SPRR2B: variants seen among roughly 807,000 people sequenced by gnomAD.
SPRR2B encodes small proline-rich protein 2B.
A neutral mutation model predicts 1.0 loss-of-function variants in SPRR2B; 1 was observed. The ratio of observed to expected loss-of-function variants is 1.01; its 90% CI spans 0.36 to 4.77. SPRR2B has a LOEUF of 4.77. Among genes scored for constraint, SPRR2B ranks in the 30% most tolerant of loss-of-function variants. SPRR2B has a pLI of 0.16. For synonymous variants in SPRR2B, 27 were observed against 33.4 expected, an observed-to-expected ratio of 0.81 and a Z score of 0.66; for missense variants, 53 against 88.7, an observed-to-expected ratio of 0.60 and a Z score of 1.62.
At chr1:153,072,794 C>T (rs1387984823), upstream of SPRR2B, among the ~76,000 whole-genome samples, 1 of 152,178 alleles carries the variant, frequency 6.6e-6, no homozygotes, top group African/African-American at 2.4e-5. Context: ...ACACATTGTT[C>T]ACTCGATACG....
At chr1:153,076,245 C>T (rs563309562), upstream of SPRR2B, among the ~76,000 whole-genome samples, 8 of 152,290 alleles carry the variant, frequency 5.3e-5, no homozygotes, top group South Asian at 1.7e-3. Flanking sequence ...TAGCACTAAT[C>T]TTTCCAAAGT....
the SPRR2B span, among the ~76,000 whole-genome samples, chr1:153,080,765 G>T: frequency 6.6e-6 from 1 of 152,098 alleles, no homozygotes; most frequent in East Asian, 1.9e-4. Flanking sequence ...TTTATGATAC[G>T]ATCCAGCAAC....
upstream of SPRR2B, among the ~76,000 whole-genome samples, chr1:153,072,833 T>C (rs1466062598): frequency 6.6e-6 from 1 of 152,202 alleles, no homozygotes; most frequent in African/African-American, 2.4e-5. Context: ...GTCTTTCACA[T>C]CTTTTTAAAA....
chr1:153,073,695 T>TCACACACACACACACACACA (rs4041380), upstream of SPRR2B, among the ~76,000 whole-genome samples: 8 of 144,512 alleles, frequency 5.5e-5, no homozygotes, highest in African/African-American at 2.1e-4. Flanking sequence ...GAGGCATACT[T>TCACACACACACACACACACA]CACACACACA....
chr1:153,085,506 A>C, the SPRR2B span, among the ~76,000 whole-genome samples: 1 of 152,236 alleles, frequency 6.6e-6, no homozygotes, highest in African/African-American at 2.4e-5. Flanking sequence ...GGAATGAATG[A>C]AGCCTCAGAA....
At chr1:153,078,740 C>G in the SPRR2B span, among the ~76,000 whole-genome samples, 1 of 152,210 alleles carries the variant, frequency 6.6e-6, no homozygotes, top group East Asian at 1.9e-4. Flanking sequence ...ATATGTGCCA[C>G]ATTTTCTTAA....
At chr1:153,076,314 G>A (rs932637260), upstream of SPRR2B, among the ~76,000 whole-genome samples, 14 of 152,092 alleles carry the variant, frequency 9.2e-5, no homozygotes, top group African/African-American at 3.1e-4. Context: ...AAATATTTAA[G>A]AGCAAAATTC....
upstream of SPRR2B, among the ~76,000 whole-genome samples, chr1:153,075,963 A>T (rs1218644956): frequency 6.6e-6 from 1 of 152,210 alleles, no homozygotes; most frequent in African/African-American, 2.4e-5. Flanking sequence ...CTGAATTCAG[A>T]TAATAAAAAA....
upstream of SPRR2B, among the ~76,000 whole-genome samples, chr1:153,076,509 A>G (rs1265621509): frequency 6.6e-6 from 1 of 152,212 alleles, no homozygotes; most frequent in Non-Finnish European, 1.5e-5. Context: ...AAACACAAAC[A>G]AAATTGTGAA....
chr1:153,086,870 A>G, the SPRR2B span, among the ~76,000 whole-genome samples: 2 of 152,210 alleles, frequency 1.3e-5, no homozygotes, highest in Non-Finnish European at 2.9e-5. Context: ...TGAAATAATA[A>G]CAACCAATTT....
rs1180997994 is a variant in SPRR2B at position 153,071,589 on chromosome 1, G to A, written c.-40C>T. Reference sequence around the variant, plus strand: ...CTAACCAGTTTCTCCAAAGCAGATCGGTGCTCGAGTACCAGGAGTTTAGGA... The same window carrying A: ...CTAACCAGTTTCTCCAAAGCAGATCAGTGCTCGAGTACCAGGAGTTTAGGA... On this transcript the variant is annotated 5_prime_UTR_variant, in exon 1 of 2. Transcript: ENST00000368755. Among the ~76,000 whole-genome samples the A allele has an allele frequency of 5.9e-5, 9 of 151,972 alleles. No individual in the cohort carries two copies. Among genetic ancestry groups the A allele is most frequent in the East Asian group, 1.9e-4 (1 of 5,192 alleles).
At chr1:153,071,706 A>G (rs1414455826), upstream of SPRR2B, among the ~76,000 whole-genome samples, 1 of 152,174 alleles carries the variant, frequency 6.6e-6, no homozygotes, top group Non-Finnish European at 1.5e-5. Context: ...CAATGTCCCA[A>G]CCAAAATGCA....
chr1:153,081,101 C>T, the SPRR2B span, among the ~76,000 whole-genome samples: 1 of 152,170 alleles, frequency 6.6e-6, no homozygotes, highest in Non-Finnish European at 1.5e-5. Context: ...AAAAGCATAA[C>T]AAACTCCAAG....
At chr1:153,085,577 G>A in the SPRR2B span, among the ~76,000 whole-genome samples, 1 of 152,130 alleles carries the variant, frequency 6.6e-6, no homozygotes, top group East Asian at 1.9e-4. Flanking sequence ...GAAAGAGAAG[G>A]GAAGTGTGTA....
the SPRR2B span, among the ~76,000 whole-genome samples, chr1:153,077,446 T>G: frequency 6.6e-6 from 1 of 152,170 alleles, no homozygotes. Flanking sequence ...AAAGCTGGCA[T>G]TGTTGAAATT....
upstream of SPRR2B, among the ~76,000 whole-genome samples, chr1:153,075,588 A>G (rs180943484): frequency 2.2e-3 from 333 of 152,292 alleles, no homozygotes; most frequent in Non-Finnish European, 3.3e-3. Context: ...TTGTCATGAG[A>G]AAAAAATTAA....
At chr1:153,074,606 A>G (rs76569117), upstream of SPRR2B, among the ~76,000 whole-genome samples, 7,385 of 152,304 alleles carry the variant, frequency 0.048, 595 homozygotes, top group African/African-American at 0.17. Flanking sequence ...TGTACTAAAA[A>G]CATATAAAGC....
At position 153,070,619 on chromosome 1, in the gene SPRR2B, T is replaced by C; in HGVS notation, c.*2A>G. 4 of 1,611,738 alleles carry C rather than the reference T, an allele frequency of 2.5e-6. No homozygotes were observed. The highest frequency in any genetic ancestry group is 3.4e-6 in the Non-Finnish European group (4 of 1,179,640). On this transcript the variant is annotated 3_prime_UTR_variant, in exon 2 of 2. Transcript: ENST00000368755. Reference sequence around the variant, plus strand: ...TCATGCTCCTGATGAATCCTGAAGCTGTTACTTGCTCTTCGGTGGATACTT... The same window carrying C: ...TCATGCTCCTGATGAATCCTGAAGCCGTTACTTGCTCTTCGGTGGATACTT...
chr1:153,079,918 T>C, the SPRR2B span, among the ~76,000 whole-genome samples: 1 of 152,150 alleles, frequency 6.6e-6, no homozygotes, highest in African/African-American at 2.4e-5. Context: ...GTTGGTAACT[T>C]GATGGGGATG....
Sources: allele counts gnomAD v4.1 joint callset (sites outside exome capture counted in the v4.1 genomes callset), GRCh38; gene constraint gnomAD v4.1.1; transcripts MANE v1.5; gene names NCBI Gene and HGNC (gene_info 2026-07-23, HGNC 2026-07-21).